DNAI3: variants seen among roughly 807,000 people sequenced by gnomAD.
DNAI3 encodes WD repeat domain 63.
In DNAI3, 83 loss-of-function variants were observed where a neutral mutation model predicts 115.5. The ratio of observed to expected loss-of-function variants is 0.72; its 90% CI spans 0.60 to 0.86. The LOEUF is 0.86. Ranked by LOEUF, DNAI3 falls within the 40% of genes least tolerant of loss-of-function variation. The pLI is 0.00. For missense variants in DNAI3, 1,004 were observed against 1,075.8 expected (o/e 0.93, Z 0.93); for synonymous variants, 320 against 347.0 (o/e 0.92, Z 0.86).
At chr1:85,124,763 G>T (rs1298701604) in intron 19 of DNAI3, among the ~76,000 whole-genome samples, 1 of 152,094 alleles carries the variant, frequency 6.6e-6, no homozygotes, top group Middle Eastern at 3.2e-3. Flanking sequence ...CAAACTTCTG[G>T]GCTCAAGTGA....
In DNAI3 at chr1:85,090,215, T is replaced by G. The variant is rs763102770; in HGVS notation, c.840T>G (p.Leu280=). 4.5e-6 allele frequency: 7 copies of G among 1,565,898 alleles called. No homozygotes were observed. The South Asian group carries it at 8.8e-5, about 20-fold the overall frequency. ...AATCAAAGCCTTTGGTTGATTTTCT[T>G]AACAATGCATCCATAAGGTAAAAAA... ...LKQSKPLVDF[L]NNASISVEIA... is the part of the protein sequence containing the mutation. The change falls in exon 8 of 23, where the codon CTT becomes CTG. Residue 280 remains leucine, a synonymous_variant. Coordinates refer to ENST00000294664, the MANE Select transcript of DNAI3 (RefSeq NM_145172.5).
intron 3 of DNAI3, among the ~76,000 whole-genome samples, chr1:85,075,944 A>T (rs1654438461): frequency 6.6e-6 from 1 of 152,186 alleles, no homozygotes; most frequent in African/African-American, 2.4e-5. Context: ...TAGTGGCTTA[A>T]ACAATATAAA....
intron 17 of DNAI3, among the ~76,000 whole-genome samples, chr1:85,120,327 G>T (rs1655960924): frequency 6.6e-6 from 1 of 152,220 alleles, no homozygotes; most frequent in Non-Finnish European, 1.5e-5. Context: ...GAGAAGACAG[G>T]CAGGCGGTGA....
At chr1:85,126,999 C>T (rs1471984845) in intron 20 of DNAI3, among the ~76,000 whole-genome samples, 1 of 152,166 alleles carries the variant, frequency 6.6e-6, no homozygotes, top group Non-Finnish European at 1.5e-5. Context: ...AGACACGTGT[C>T]AGGCAGAGGC....
chr1:85,078,187 G>A (rs1458782611), intron 3 of DNAI3, among the ~76,000 whole-genome samples: 1 of 152,172 alleles, frequency 6.6e-6, no homozygotes, highest in East Asian at 1.9e-4. Flanking sequence ...GCATAGTTGA[G>A]TTCAGGGATC....
chr1:85,089,159 C>A (rs12092036), intron 7 of DNAI3, among the ~76,000 whole-genome samples: 90,012 of 151,616 alleles, frequency 0.59, 26,706 homozygotes, highest in Non-Finnish European at 0.6. Flanking sequence ...TAAAGTTTTG[C>A]ATGTATCAAC....
At chr1:85,113,571 C>T (rs193159157) in intron 16 of DNAI3, among the ~76,000 whole-genome samples, 1 of 152,174 alleles carries the variant, frequency 6.6e-6, no homozygotes, top group Non-Finnish European at 1.5e-5. Flanking sequence ...ATCTTTAGAG[C>T]AATACGACAC....
At chr1:85,096,065 C>A in intron 11 of DNAI3, 45 bp downstream of exon 11, 4 of 1,565,984 alleles carry the variant, frequency 2.6e-6, no homozygotes, top group Non-Finnish European at 3.5e-6. Context: ...TGTAGACAAC[C>A]TTTGGTAATA....
Position 85,065,386 on chromosome 1 carries a change from C to T in DNAI3, c.-15+2900C>T, listed in dbSNP as rs117432022. ...GGCATTAACAATGGGAAGATGCATG[C>T]GGTAGTAAACTATATGTATATTCAG... On this transcript the variant is annotated intron_variant, in intron 1 of 22. Coordinates refer to ENST00000294664, the MANE Select transcript of DNAI3 (RefSeq NM_145172.5). Among the ~76,000 whole-genome samples, 53 of 152,160 alleles carry T rather than the reference C, an allele frequency of 3.5e-4. 1 individual carries two copies. The East Asian group carries it at 6.0e-3, about 17-fold the overall frequency.
intron 1 of DNAI3, among the ~76,000 whole-genome samples, chr1:85,071,529 T>C (rs905723939): frequency 2.0e-4 from 30 of 152,258 alleles, no homozygotes; most frequent in African/African-American, 7.0e-4. Flanking sequence ...CCCAGTGGCC[T>C]ATCTTGTCTT....
intron 1 of DNAI3, 57 bp from the exon 2 acceptor site, chr1:85,071,871 A>G (rs1375584976): frequency 6.8e-7 from 1 of 1,481,446 alleles, no homozygotes; most frequent in Non-Finnish European, 9.3e-7. Flanking sequence ...AGTATTTGAA[A>G]TTGTAAGTTG....
At chr1:85,099,558 A>C (rs1037936715) in intron 13 of DNAI3, among the ~76,000 whole-genome samples, 1 of 152,182 alleles carries the variant, frequency 6.6e-6, no homozygotes, top group African/African-American at 2.4e-5. Context: ...TGCCCAAGGT[A>C]ATTTATAGAT....
chr1:85,131,730 T>C (rs549444387), intron 22 of DNAI3, among the ~76,000 whole-genome samples: 40 of 152,112 alleles, frequency 2.6e-4, no homozygotes, highest in Non-Finnish European at 5.3e-4. Context: ...CTGCCACCCT[T>C]CCCCTTCCCC....
intron 7 of DNAI3, among the ~76,000 whole-genome samples, chr1:85,087,162 G>A (rs1457591330): frequency 6.6e-6 from 1 of 152,046 alleles, no homozygotes; most frequent in African/African-American, 2.4e-5. Context: ...ACTTGGCCGG[G>A]CACCGTGACT....
At position 85,101,134 on chromosome 1, in the gene DNAI3, T is replaced by A. The variant is rs200326975; in HGVS notation, c.1479+2476T>A. Among the ~76,000 whole-genome samples the A allele has an allele frequency of 5.3e-5, 8 of 150,250 alleles. No individual in the cohort carries two copies. In the South Asian group the frequency reaches 1.5e-3, roughly 28 times the overall value. ...ACTTAAAGTATAATAATAATAAAATTAAAAAAAAAGAAATAGCACTTGAAC... is the reference window on the plus strand; with the variant it reads ...ACTTAAAGTATAATAATAATAAAATAAAAAAAAAAGAAATAGCACTTGAAC... On this transcript the variant is annotated intron_variant, in intron 13 of 22. Transcript: ENST00000294664.
intron 3 of DNAI3, among the ~76,000 whole-genome samples, chr1:85,073,554 C>T (rs4907023): frequency 6.6e-6 from 1 of 151,932 alleles, no homozygotes; most frequent in African/African-American, 2.4e-5. Context: ...AATCTTACAA[C>T]AAGACTTCTT....
Position 85,094,519 on chromosome 1 carries a change from T to G in DNAI3, c.1137T>G (p.Ile379Met). The change falls in exon 10 of 23, where the codon ATT becomes ATG. Residue 379 changes from isoleucine (I) to methionine (M), a missense_variant. Ile to Met is a conservative substitution (Grantham distance 10, BLOSUM62 1). Coordinates refer to ENST00000294664, the MANE Select transcript of DNAI3 (RefSeq NM_145172.5). The stretch of plus-strand genomic sequence containing the variant: ...AATTATTGCTGCAGCCATCACTGAT[T>G]CTTTTCTGGAGCTTCTCTGATCCTA... ...SGKLLLQPSL[I>M]LFWSFSDPIH... The G allele has an allele frequency of 6.2e-7, 1 of 1,614,206 alleles. No homozygotes were observed. Among genetic ancestry groups the G allele is most frequent in the Non-Finnish European group, 8.5e-7 (1 of 1,180,034 alleles).
At chr1:85,114,114 G>T (rs1037656153) in intron 16 of DNAI3, among the ~76,000 whole-genome samples, 1 of 150,318 alleles carries the variant, frequency 6.7e-6, no homozygotes, top group African/African-American at 2.5e-5. Context: ...CTGAGTTCAG[G>T]TGATTCTCCT....
chr1:85,099,219 C>A (rs947168565), intron 13 of DNAI3: 2 of 984,302 alleles, frequency 2.0e-6, no homozygotes, highest in African/African-American at 1.7e-5. Flanking sequence ...TGGAAACTGG[C>A]AAGTTCCCCA....
Sources: allele counts gnomAD v4.1 joint callset (sites outside exome capture counted in the v4.1 genomes callset), GRCh38; gene constraint gnomAD v4.1.1; transcripts MANE v1.5; gene names NCBI Gene and HGNC (gene_info 2026-07-23, HGNC 2026-07-21).